ASB2: variants seen among roughly 807,000 people sequenced by gnomAD.
ASB2 encodes the protein ankyrin repeat and SOCS box containing 2, also known as ankyrin repeat and SOCS box protein 2.
A neutral mutation model predicts 62.4 loss-of-function variants in ASB2; 58 were observed. The observed-to-expected ratio is 0.93, with a 90% CI of 0.75 to 1.16. The LOEUF (loss-of-function observed/expected upper bound fraction) is 1.16, where lower values mean the gene tolerates loss of function less well. Among genes scored for constraint, ASB2 ranks in the 50% most tolerant of loss-of-function variants. ASB2 has a pLI of 0.00. For synonymous variants in ASB2, 386 were observed against 385.3 expected, an observed-to-expected ratio of 1.00 and a Z score of -0.02; for missense variants, 928 against 887.9, an observed-to-expected ratio of 1.05 and a Z score of -0.57.
intron 1 of ASB2, 106 bp downstream of exon 1, chr14:93,976,326 TCA>T (rs1889911307): frequency 6.6e-6 from 1 of 152,150 alleles, no homozygotes; most frequent in Non-Finnish European, 1.5e-5. Context: ...AAAAGCAACA[TCA>T]CAGTTTGACT....
chr14:93,975,833 A>T (rs1433340745), intron 1 of ASB2, among the ~76,000 whole-genome samples: 1 of 152,374 alleles, frequency 6.6e-6, no homozygotes. Context: ...TGTGTCATGC[A>T]TATGCGTGTG....
intron 7 of ASB2, chr14:93,941,493 G>T: frequency 2.8e-6 from 1 of 363,590 alleles, no homozygotes; most frequent in South Asian, 2.0e-5. Flanking sequence ...GCTAAAATCT[G>T]ACTCTAAAAC....
chr14:93,944,227 C>A (rs1888639631), intron 7 of ASB2: 2 of 304,918 alleles, frequency 6.6e-6, no homozygotes, highest in South Asian at 5.6e-5. Flanking sequence ...GGGGCATCTG[C>A]TCTGCGCTAA....
intron 6 of ASB2, 92 bp downstream of exon 6, chr14:93,950,906 AC>A: frequency 7.2e-7 from 1 of 1,379,892 alleles, no homozygotes; most frequent in Non-Finnish European, 1.0e-6. Context: ...GCACAAGATG[AC>A]CCCTAACTCG....
At chr14:93,953,980 C>G (rs192972592) in intron 4 of ASB2, among the ~76,000 whole-genome samples, 2 of 152,162 alleles carry the variant, frequency 1.3e-5, no homozygotes, top group Admixed American at 1.3e-4. Flanking sequence ...TAGCCTTGGC[C>G]GGGCACAGGC....
chr14:93,961,982 G>A (rs1294717983), intron 2 of ASB2, among the ~76,000 whole-genome samples: 2 of 152,094 alleles, frequency 1.3e-5, no homozygotes, highest in Admixed American at 1.3e-4. Flanking sequence ...TTTGTCGTCT[G>A]TAAAATGGGC....
At chr14:93,967,581 G>A (rs1013297239) in intron 1 of ASB2, among the ~76,000 whole-genome samples, 6 of 152,244 alleles carry the variant, frequency 3.9e-5, no homozygotes, top group East Asian at 3.8e-4. Flanking sequence ...TGTGACCTCA[G>A]CTAAGTCCCT....
intron 2 of ASB2, among the ~76,000 whole-genome samples, chr14:93,961,915 C>T (rs1889418463): frequency 6.6e-6 from 1 of 152,100 alleles, no homozygotes; most frequent in South Asian, 2.1e-4. Flanking sequence ...GGTGAAGTGT[C>T]TGAACTTCAG....
chr14:93,947,525 G>C lies in ASB2; in HGVS notation c.881-5C>G. The C allele has an allele frequency of 6.2e-7, 1 of 1,613,250 alleles. No homozygotes were observed. The highest frequency in any genetic ancestry group is 1.1e-5 in the South Asian group (1 of 91,088). ...CCTGCGTGTTGATGTCAGCACCTGGGGAAGGAGAAGAGATCAGCAAGTGGC... is the reference window on the plus strand; with the variant it reads ...CCTGCGTGTTGATGTCAGCACCTGGCGAAGGAGAAGAGATCAGCAAGTGGC... On this transcript the variant is annotated splice_polypyrimidine_tract_variant and splice_region_variant and intron_variant, in intron 6 of 9. Coordinates refer to ENST00000555019, the MANE Select transcript of ASB2 (RefSeq NM_001202429.2).
At chr14:93,954,258 G>A (rs1253006278) in intron 4 of ASB2, 59 bp downstream of exon 4, 33 of 1,357,812 alleles carry the variant, frequency 2.4e-5, no homozygotes, top group Middle Eastern at 2.2e-4. Context: ...CCCCAGGAGC[G>A]GCAGCCCTTC....
rs1425703543 is a variant in ASB2 at position 93,939,208 on chromosome 14, A to G, written c.1517T>C (p.Phe506Ser). 1 of 1,606,824 alleles carries G rather than the reference A, an allele frequency of 6.2e-7. No homozygotes were observed. Among genetic ancestry groups the G allele is most frequent in the African/African-American group, 1.3e-5 (1 of 74,758 alleles). The change falls in exon 8 of 10, where the codon TTC becomes TCC. Residue 506 changes from phenylalanine (F) to serine (S), a missense_variant. Physicochemically the swap from Phe to Ser is radical, Grantham distance 155. Transcript: ENST00000555019. ...CGGGCCGTTGCCGTAGAGGCATGAG[A>G]AGCAGGGCTCGCCGTCGCAGCCCAG... The part of the protein sequence containing the change: ...MDLGCDGEPC[F>S]SCLYGNGPHP...
intron 1 of ASB2, among the ~76,000 whole-genome samples, chr14:93,966,610 C>G (rs1889599959): frequency 6.6e-6 from 1 of 152,230 alleles, no homozygotes; most frequent in African/African-American, 2.4e-5. Context: ...TGTTGCAGAA[C>G]TGCTGAACCA....
chr14:93,935,811 G>A (rs1261570989), intron 9 of ASB2, among the ~76,000 whole-genome samples: 1 of 147,788 alleles, frequency 6.8e-6, no homozygotes, highest in Non-Finnish European at 1.5e-5. Context: ...TCTGAGCTCA[G>A]ATTTTTCTAC....
At chr14:93,972,188 G>A (rs991675777) in intron 1 of ASB2, among the ~76,000 whole-genome samples, 1 of 151,468 alleles carries the variant, frequency 6.6e-6, no homozygotes, top group Non-Finnish European at 1.5e-5. Context: ...GGGGACACAC[G>A]AGGAGTCAGG....
At chr14:93,935,138 C>A (rs552179741) in intron 9 of ASB2, among the ~76,000 whole-genome samples, 1 of 152,348 alleles carries the variant, frequency 6.6e-6, no homozygotes, top group East Asian at 1.9e-4. Flanking sequence ...TTCCTCTTCA[C>A]ACACAGCCTG....
intron 1 of ASB2, among the ~76,000 whole-genome samples, chr14:93,969,475 A>G (rs1319324941): frequency 6.6e-6 from 1 of 152,196 alleles, no homozygotes; most frequent in Non-Finnish European, 1.5e-5. Flanking sequence ...GATTCGGGTG[A>G]TGCCTTGCCC....
chr14:93,957,216 C>A, intron 2 of ASB2: 1 of 1,257,518 alleles, frequency 8.0e-7, no homozygotes, highest in South Asian at 2.2e-5. Flanking sequence ...GGATGTGAGC[C>A]GTGGTCGGCA....
At chr14:93,938,447 A>G (rs892654096) in intron 8 of ASB2, among the ~76,000 whole-genome samples, 1 of 152,070 alleles carries the variant, frequency 6.6e-6, no homozygotes, top group Non-Finnish European at 1.5e-5. Context: ...TCACCGTGTT[A>G]GCCAGGATGG....
intron 8 of ASB2, among the ~76,000 whole-genome samples, chr14:93,938,812 T>C (rs886150789): frequency 2.0e-5 from 3 of 152,184 alleles, no homozygotes; most frequent in Non-Finnish European, 4.4e-5. Context: ...TTCTGCGGCC[T>C]CTTAAGTGTG....
Sources: gnomAD v4.1 joint callset for allele counts (sites outside exome capture counted in the v4.1 genomes callset) on GRCh38, gnomAD v4.1.1 for gene constraint, MANE v1.5 for transcripts, NCBI Gene and HGNC (gene_info 2026-07-23, HGNC 2026-07-21) for gene names.